Variants in PSMC2 observed in about 807,000 individuals in gnomAD.
The protein encoded by PSMC2 is 26S proteasome regulatory subunit 7.
In PSMC2, 7 loss-of-function variants were observed where a neutral mutation model predicts 53.3. The ratio of observed to expected loss-of-function variants is 0.13; its 90% CI spans 0.07 to 0.25. The LOEUF (loss-of-function observed/expected upper bound fraction) is 0.25. Among genes scored for constraint, PSMC2 ranks in the 10% least tolerant of loss-of-function variants. PSMC2 has a pLI of 1.00. For missense variants in PSMC2, 241 were observed against 544.0 expected (o/e 0.44, Z 5.54); for synonymous variants, 169 against 183.9 (o/e 0.92, Z 0.66).
chr7:103,352,242 AAAAAG>A (rs1351876575), intron 1 of PSMC2, among the ~76,000 whole-genome samples: 3 of 148,256 alleles, frequency 2.0e-5, no homozygotes, highest in Non-Finnish European at 4.5e-5. Context: ...AAAAAAAAAA[AAAAAG>A]ACCTGCCGTT....
At chr7:103,362,400 AGT>A in intron 5 of PSMC2, 1 of 1,338,536 alleles carries the variant, frequency 7.5e-7, no homozygotes, top group Non-Finnish European at 9.5e-7. Context: ...TGTGATGCTA[AGT>A]GTGTTAATGT....
chr7:103,354,404 T>C (rs1819913927), intron 2 of PSMC2, among the ~76,000 whole-genome samples: 2 of 151,022 alleles, frequency 1.3e-5, no homozygotes, highest in African/African-American at 4.9e-5. Context: ...GTGTTGCTCT[T>C]GTCACCCAGG....
chr7:103,359,425 T>C (rs910025715), intron 4 of PSMC2, among the ~76,000 whole-genome samples: 3 of 152,140 alleles, frequency 2.0e-5, no homozygotes, highest in Admixed American at 1.3e-4. Flanking sequence ...ATCATCACTA[T>C]CTAATTCCAG....
chr7:103,361,829 A>C (rs1820432177), intron 4 of PSMC2, 128 bp from the exon 5 acceptor site: 1 of 870,622 alleles, frequency 1.1e-6, no homozygotes, highest in South Asian at 2.7e-5. Flanking sequence ...AGGATCTTTA[A>C]CAGTGTCCCA....
At chr7:103,350,423 G>T (rs1019906295) in intron 1 of PSMC2, among the ~76,000 whole-genome samples, 2 of 152,102 alleles carry the variant, frequency 1.3e-5, no homozygotes, top group African/African-American at 4.8e-5. Context: ...TAATCACGGT[G>T]TCTCATACAG....
In PSMC2 at chr7:103,368,537, G is replaced by A. The variant is rs1820843335; in HGVS notation, c.*483G>A. 1 of 152,456 alleles carries A rather than the reference G, an allele frequency of 6.6e-6. No homozygotes were observed. 9.4% of individuals were successfully genotyped at this position (152,456 alleles called of 1,614,324 possible). A position where few individuals can be genotyped will look rare whatever the true frequency, so the allele number is the denominator to read the frequency against. The stretch of plus-strand genomic sequence containing the variant: ...AACAAAGTAGCTCACTTAGGCGTAT[G>A]ACCACATGCATTATGATAGTTTCCC... On this transcript the variant is annotated 3_prime_UTR_variant, in exon 12 of 12. Coordinates refer to ENST00000292644, the MANE Select transcript of PSMC2 (RefSeq NM_002803.4).
rs141147542 is a variant in PSMC2, at chr7:103,367,549, G to A, written c.981G>A (p.Leu327=). ...TGGCCACTAACAGACCTGATACTTT[G>A]GATCCAGCACTGATGAGGCCAGGGA... ...VLMATNRPDT[L]DPALMRPGRL... Residue 327 remains leucine (L), a synonymous_variant, in exon 10 of 12, where the codon TTG becomes TTA. Transcript: ENST00000292644. The surrounding 1 kb of genome is among the most constrained non-coding windows in gnomAD (Gnocchi z 6.1). 302 of 1,614,000 alleles carry A rather than the reference G, an allele frequency of 1.9e-4. No homozygotes were observed. The highest frequency in any genetic ancestry group is 2.4e-4 in the Non-Finnish European group (287 of 1,180,024).
chr7:103,362,794 CTTTTTTT>C, intron 6 of PSMC2, 36 bp downstream of exon 6: 36 of 839,636 alleles, frequency 4.3e-5, no homozygotes, highest in Non-Finnish European at 4.4e-5. Context: ...AAGGCTATGT[CTTTTTTT>C]TTTTTTTTTT....
chr7:103,362,574 T>A (rs867581034), intron 5 of PSMC2, 112 bp from the exon 6 acceptor site: 1 of 1,418,672 alleles, frequency 7.0e-7, no homozygotes, highest in Middle Eastern at 1.8e-4. Context: ...AATTAGGGAC[T>A]CTGTCTCTCT....
intron 8 of PSMC2, 104 bp downstream of exon 8, chr7:103,364,411 T>A: frequency 7.6e-7 from 1 of 1,320,878 alleles, no homozygotes; most frequent in Non-Finnish European, 1.0e-6. Context: ...ACCTGAAATT[T>A]CTTTTTTCTT....
At chr7:103,354,719 G>A (rs1374376041) in intron 2 of PSMC2, 149 bp from the exon 3 acceptor site, 15 of 594,424 alleles carry the variant, frequency 2.5e-5, no homozygotes, top group South Asian at 1.2e-4. Flanking sequence ...TATTTAGGGG[G>A]AAATATTGGG....
Position 103,348,528 on chromosome 7 carries a change from G to A in PSMC2, c.70+747G>A, listed in dbSNP as rs906858663. 4.4e-6 allele frequency: 3 copies of A among 684,696 alleles called. No homozygotes were observed. The African/African-American group carries it at 5.3e-5, about 12-fold the overall frequency. The allele number at this position is 684,696 out of a possible 1,614,324, so 42.4% of individuals were successfully genotyped here. ...AGTAATGTATTTATTATTGATGGAC[G>A]TGTAGATTTTTCCAATTTGTTGCTG... On this transcript the variant is annotated intron_variant, in intron 1 of 11. Coordinates refer to ENST00000292644, the MANE Select transcript of PSMC2 (RefSeq NM_002803.4).
intron 1 of PSMC2, among the ~76,000 whole-genome samples, chr7:103,349,860 C>G (rs2116114104): frequency 6.6e-6 from 1 of 152,274 alleles, no homozygotes; most frequent in South Asian, 2.1e-4. Flanking sequence ...TATTTCAAGC[C>G]TTTTACATGT....
chr7:103,369,351 G>A lies in PSMC2; in HGVS notation c.*1297G>A, dbSNP rs193200807. 3 of 152,186 alleles carry A rather than the reference G, an allele frequency of 2.0e-5. No individual in the cohort carries two copies. The highest frequency in any genetic ancestry group is 2.9e-5 in the Non-Finnish European group (2 of 68,024). 9.4% of individuals were successfully genotyped at this position (152,186 alleles called of 1,614,324 possible). A position where few individuals can be genotyped will look rare whatever the true frequency, so the allele number is the denominator to read the frequency against. ...CTTAAGAAAATGACTGAAGATGTAT[G>A]TTTTTGAATGTTTTGATTAAATAAA... On this transcript the variant is annotated 3_prime_UTR_variant, in exon 12 of 12. Transcript: ENST00000292644.
At chr7:103,349,823 C>G (rs1359535894) in intron 1 of PSMC2, among the ~76,000 whole-genome samples, 1 of 152,174 alleles carries the variant, frequency 6.6e-6, no homozygotes, top group Non-Finnish European at 1.5e-5. Flanking sequence ...TTGTGAATCT[C>G]CTATTGACTC....
At chr7:103,349,623 C>T (rs1182878042) in intron 1 of PSMC2, among the ~76,000 whole-genome samples, 1 of 151,990 alleles carries the variant, frequency 6.6e-6, no homozygotes, top group Non-Finnish European at 1.5e-5. Flanking sequence ...CTAATTTTTG[C>T]ATTTTTAGCA....
chr7:103,348,885 T>C, intron 1 of PSMC2: 1 of 493,098 alleles, frequency 2.0e-6, no homozygotes, highest in Non-Finnish European at 3.7e-6. Flanking sequence ...ATGTAACTTT[T>C]ACCAAGTGCA....
chr7:103,349,730 G>C (rs1447148022), intron 1 of PSMC2, among the ~76,000 whole-genome samples: 9 of 152,152 alleles, frequency 5.9e-5, no homozygotes, highest in Non-Finnish European at 1.2e-4. Flanking sequence ...GATTACAGGC[G>C]TGAGCCACCG....
At chr7:103,350,028 T>A (rs1363316067) in intron 1 of PSMC2, among the ~76,000 whole-genome samples, 1 of 152,242 alleles carries the variant, frequency 6.6e-6, no homozygotes, top group Non-Finnish European at 1.5e-5. Context: ...ATTTTTGTTA[T>A]GTGCAACCTT....
Sources: allele counts gnomAD v4.1 joint callset (sites outside exome capture counted in the v4.1 genomes callset), GRCh38; gene constraint gnomAD v4.1.1; non-coding constraint Gnocchi (gnomAD v3.1); transcripts MANE v1.5; gene names NCBI Gene and HGNC (gene_info 2026-07-23, HGNC 2026-07-21).